Variants in PRKCA observed in about 807,000 individuals in gnomAD.
PRKCA encodes protein kinase C alpha.
In PRKCA, 27 loss-of-function variants were observed where a neutral mutation model predicts 87.0. The observed-to-expected ratio is 0.31, with a 90% CI of 0.23 to 0.43. The LOEUF (loss-of-function observed/expected upper bound fraction) is 0.43, where lower values mean the gene tolerates loss of function less well. Ranked by LOEUF, PRKCA falls within the 20% of genes least tolerant of loss-of-function variation. The probability of loss-of-function intolerance (pLI) is 1.00; values close to 1 mark genes in which losing one functional copy is unlikely to be tolerated. For missense variants in PRKCA, 518 were observed against 852.3 expected, an observed-to-expected ratio of 0.61 and a Z score of 4.88; for synonymous variants, 329 against 311.1, an observed-to-expected ratio of 1.06 and a Z score of -0.61.
intron 3 of PRKCA, among the ~76,000 whole-genome samples, chr17:66,558,856 GGGTAATCTGC>G (rs1183832241): frequency 6.6e-6 from 1 of 152,154 alleles, no homozygotes; most frequent in Non-Finnish European, 1.5e-5. Context: ...TGGACCTGAG[GGGTAATCTGC>G]CATGCAGTTC....
chr17:66,731,368 A>G lies in PRKCA; in HGVS notation c.919-1320A>G, dbSNP rs1025006994. 2.1e-3 allele frequency among the ~76,000 whole-genome samples: 315 copies of G among 151,890 alleles called. 2 individuals are homozygous for G. Among genetic ancestry groups the G allele is most frequent in the African/African-American group, 6.7e-3 (278 of 41,408 alleles). On this transcript the variant is annotated intron_variant, in intron 8 of 16. Coordinates refer to ENST00000413366, the MANE Select transcript of PRKCA (RefSeq NM_002737.3). ...CCGTCTCAGAAAAAAAAAAAAAAAA[A>G]AAGAATGTATCCAAGGCAAGAATCA...
chr17:66,612,312 TG>T (rs1328488454), intron 3 of PRKCA, among the ~76,000 whole-genome samples: 26 of 137,736 alleles, frequency 1.9e-4, no homozygotes, highest in Admixed American at 8.4e-5. Flanking sequence ...ACCCAGGAGA[TG>T]GAGGTTGCAG....
intron 2 of PRKCA, among the ~76,000 whole-genome samples, chr17:66,447,805 G>A (rs561148195): frequency 3.3e-5 from 5 of 152,190 alleles, no homozygotes; most frequent in South Asian, 4.1e-4. Flanking sequence ...ACCTCCTCAC[G>A]TCTAGGCTCT....
At chr17:66,431,343 A>G (rs1598665519) in intron 2 of PRKCA, among the ~76,000 whole-genome samples, 1 of 152,188 alleles carries the variant, frequency 6.6e-6, no homozygotes, top group Non-Finnish European at 1.5e-5. Flanking sequence ...TGTGCCGGAC[A>G]ATAGTCATGG....
intron 8 of PRKCA, among the ~76,000 whole-genome samples, chr17:66,707,489 C>G (rs1460292783): frequency 6.6e-6 from 1 of 152,170 alleles, no homozygotes; most frequent in East Asian, 1.9e-4. Context: ...CATTTTAGAG[C>G]CACGAGAACC....
chr17:66,796,277 G>A (rs1038409351), intron 16 of PRKCA, among the ~76,000 whole-genome samples: 1 of 152,208 alleles, frequency 6.6e-6, no homozygotes, highest in Non-Finnish European at 1.5e-5. Context: ...AGGTTGTGCT[G>A]TGTTAAACAC....
intron 2 of PRKCA, among the ~76,000 whole-genome samples, chr17:66,470,420 G>A (rs535298707): frequency 6.6e-6 from 1 of 151,730 alleles, no homozygotes; most frequent in South Asian, 2.1e-4. Context: ...TAGAAACGGG[G>A]TTTCACCATG....
intron 16 of PRKCA, among the ~76,000 whole-genome samples, chr17:66,794,596 T>C (rs558636170): frequency 1.8e-3 from 266 of 151,054 alleles, no homozygotes; most frequent in African/African-American, 6.3e-3. Flanking sequence ...GTTATATTGT[T>C]TTTTTTGTTT....
rs147252825 is a variant in PRKCA at position 66,384,710 on chromosome 17, G to A, written c.205+78583G>A. On this transcript the variant is annotated intron_variant, in intron 2 of 16. Coordinates refer to ENST00000413366, the MANE Select transcript of PRKCA (RefSeq NM_002737.3). ...GTGGTGCCATCTCGGCTCACTGCAAGCTCCACCTCCCGTGTTTATGCCATT... is the reference window on the plus strand; with the variant it reads ...GTGGTGCCATCTCGGCTCACTGCAAACTCCACCTCCCGTGTTTATGCCATT... Among the ~76,000 whole-genome samples, 52 of 151,948 alleles carry A rather than the reference G, an allele frequency of 3.4e-4. No individual in the cohort carries two copies. The East Asian group carries it at 4.9e-3, about 14-fold the overall frequency.
At chr17:66,787,728 C>T (rs530511689) in intron 15 of PRKCA, among the ~76,000 whole-genome samples, 1 of 152,200 alleles carries the variant, frequency 6.6e-6, no homozygotes, top group East Asian at 1.9e-4. Flanking sequence ...CCCAAGATAA[C>T]CTGCCCCCCA....
At chr17:66,691,250 C>T (rs923267794) in intron 8 of PRKCA, among the ~76,000 whole-genome samples, 1 of 151,852 alleles carries the variant, frequency 6.6e-6, no homozygotes, top group Non-Finnish European at 1.5e-5. Context: ...CTCTGCTCTT[C>T]AAAAATAGAG....
At chr17:66,344,552 A>G (rs551203393) in intron 2 of PRKCA, among the ~76,000 whole-genome samples, 80 of 152,350 alleles carry the variant, frequency 5.3e-4, no homozygotes, top group African/African-American at 1.9e-3. Flanking sequence ...TTATTAGCCT[A>G]TCCCCATGCT....
At chr17:66,444,300 G>A (rs985131423) in intron 2 of PRKCA, among the ~76,000 whole-genome samples, 1 of 152,180 alleles carries the variant, frequency 6.6e-6, no homozygotes, top group Non-Finnish European at 1.5e-5. Flanking sequence ...AAACTGGCTT[G>A]CCACCAACTC....
intron 13 of PRKCA, among the ~76,000 whole-genome samples, chr17:66,765,920 A>G (rs771904410): frequency 7.9e-5 from 12 of 152,206 alleles, no homozygotes; most frequent in Admixed American, 4.6e-4. Context: ...GTTGTGCCCT[A>G]TACCTGTAAC....
chr17:66,352,558 GTTTTTTTTTT>G (rs56317931), intron 2 of PRKCA, among the ~76,000 whole-genome samples: 2 of 83,760 alleles, frequency 2.4e-5, no homozygotes, highest in Admixed American at 1.9e-4. Flanking sequence ...GTTTTTTGAG[GTTTTTTTTTT>G]TTTTTTTTTT....
intron 5 of PRKCA, among the ~76,000 whole-genome samples, chr17:66,670,216 A>G (rs1437346235): frequency 6.6e-6 from 1 of 152,256 alleles, no homozygotes; most frequent in Non-Finnish European, 1.5e-5. Context: ...GGACGGCAAG[A>G]TGAAGTAAAA....
intron 5 of PRKCA, among the ~76,000 whole-genome samples, chr17:66,664,229 C>T (rs1269947286): frequency 1.3e-5 from 2 of 152,066 alleles, no homozygotes; most frequent in African/African-American, 2.4e-5. Flanking sequence ...GCAGAGCCTC[C>T]GCTTTGAGCA....
chr17:66,365,923 A>C (rs1415588232), intron 2 of PRKCA, among the ~76,000 whole-genome samples: 1 of 152,238 alleles, frequency 6.6e-6, no homozygotes, highest in Non-Finnish European at 1.5e-5. Context: ...GTTTCTATGC[A>C]GAAAACATTT....
At chr17:66,567,309 C>T (rs1316563584) in intron 3 of PRKCA, among the ~76,000 whole-genome samples, 1 of 152,194 alleles carries the variant, frequency 6.6e-6, no homozygotes, top group African/African-American at 2.4e-5. Flanking sequence ...TGCAGTGGCA[C>T]CGAACAACTT....
Sources: gnomAD v4.1 joint callset for allele counts (sites outside exome capture counted in the v4.1 genomes callset) on GRCh38, gnomAD v4.1.1 for gene constraint, MANE v1.5 for transcripts, NCBI Gene and HGNC (gene_info 2026-07-23, HGNC 2026-07-21) for gene names.